MGAT4C: variants seen among roughly 807,000 people sequenced by gnomAD.
MGAT4C encodes the protein alpha-1,3-mannosyl-glycoprotein 4-beta-N-acetylglucosaminyltransferase C.
In MGAT4C, 19 loss-of-function variants were observed where a neutral mutation model predicts 40.1. That is an observed-to-expected ratio of 0.47 (90% CI 0.33 to 0.70). The LOEUF is 0.70. Ranked by LOEUF, MGAT4C falls within the 30% of genes least tolerant of loss-of-function variation. The pLI is 0.02. For synonymous variants in MGAT4C, 181 were observed against 187.1 expected, an observed-to-expected ratio of 0.97 and a Z score of 0.27; for missense variants, 491 against 563.2, an observed-to-expected ratio of 0.87 and a Z score of 1.30.
At chr12:86,454,281 G>A (rs1957474099) in intron 2 of MGAT4C, among the ~76,000 whole-genome samples, 2 of 152,010 alleles carry the variant, frequency 1.3e-5, no homozygotes, top group Admixed American at 6.6e-5. Flanking sequence ...AGGCTGGAAT[G>A]CAGTGGCATG....
intron 1 of MGAT4C, among the ~76,000 whole-genome samples, chr12:86,127,923 G>A (rs993080794): frequency 6.6e-6 from 1 of 152,112 alleles, no homozygotes; most frequent in Admixed American, 6.5e-5. Context: ...CTGTTTCACA[G>A]TTAGCTTTTT....
At position 86,372,967 on chromosome 12, in the gene MGAT4C, AAATT is replaced by A. The variant is rs201413898; in HGVS notation, c.-119-38844_-119-38841del. ...GTAATTGAATTGAATATAATAAATA[AAATT>A]AATTATAAATAATTACATATATGAA... On this transcript the variant is annotated intron_variant, in intron 3 of 7. Transcript: ENST00000548651. 5.5e-3 allele frequency among the ~76,000 whole-genome samples: 837 copies of A among 150,980 alleles called. 5 individuals carry two copies. Among genetic ancestry groups the A allele is most frequent in the African/African-American group, 0.019 (806 of 41,438 alleles).
At chr12:86,490,477 T>A (rs1227172887) in intron 2 of MGAT4C, among the ~76,000 whole-genome samples, 5 of 151,530 alleles carry the variant, frequency 3.3e-5, no homozygotes, top group Non-Finnish European at 5.9e-5. Context: ...TCATGCCAAA[T>A]TGTAAAGACC....
At chr12:86,657,640 GGAAT>G (rs1963882882) in intron 2 of MGAT4C, among the ~76,000 whole-genome samples, 2 of 151,816 alleles carry the variant, frequency 1.3e-5, no homozygotes, top group South Asian at 4.1e-4. Flanking sequence ...AAAGAAACTT[GGAAT>G]GAAAACAATT....
chr12:86,700,035 A>AATAGGTAGATAGATAG (rs1950327967), intron 2 of MGAT4C, among the ~76,000 whole-genome samples: 1 of 147,624 alleles, frequency 6.8e-6, no homozygotes, highest in African/African-American at 2.5e-5. Flanking sequence ...AATTTAGATA[A>AATAGGTAGATAGATAG]ATAGATAGAT....
chr12:86,701,312 T>C, intron 2 of MGAT4C, among the ~76,000 whole-genome samples: 1 of 152,088 alleles, frequency 6.6e-6, no homozygotes, highest in Non-Finnish European at 1.5e-5. Context: ...CAACAGCATG[T>C]GCTCACTTTA....
In MGAT4C at chr12:86,363,420, A is replaced by G. The variant is rs571228647; in HGVS notation, c.-119-29293T>C. 2.8e-4 allele frequency among the ~76,000 whole-genome samples: 42 copies of G among 152,296 alleles called. No individual in the cohort carries two copies. In the South Asian group the frequency reaches 8.5e-3, roughly 31 times the overall value. On this transcript the variant is annotated intron_variant, in intron 3 of 7. Transcript: ENST00000548651. ...TTAGCATCTATTTTAAACTTGATTAATATAAAAATGCAACATAAAATGTGT... is the reference window on the plus strand; with the variant it reads ...TTAGCATCTATTTTAAACTTGATTAGTATAAAAATGCAACATAAAATGTGT...
At chr12:86,820,267 T>C (rs1952682513) in intron 1 of MGAT4C, among the ~76,000 whole-genome samples, 1 of 150,892 alleles carries the variant, frequency 6.6e-6, no homozygotes, top group South Asian at 2.1e-4. Flanking sequence ...TCAAAGGTTA[T>C]TTCTTACTTG....
intron 2 of MGAT4C, among the ~76,000 whole-genome samples, chr12:86,625,770 A>G (rs1962785199): frequency 6.6e-6 from 1 of 152,178 alleles, no homozygotes; most frequent in Admixed American, 6.5e-5. Context: ...TCTACTGAGA[A>G]ATAGGAAAAG....
chr12:86,055,501 G>A (rs1893296285), intron 1 of MGAT4C, among the ~76,000 whole-genome samples: 1 of 151,986 alleles, frequency 6.6e-6, no homozygotes, highest in Admixed American at 6.6e-5. Context: ...AATCATATAA[G>A]TGATGTTGAG....
intron 2 of MGAT4C, among the ~76,000 whole-genome samples, chr12:86,040,699 A>G (rs984834316): frequency 1.3e-5 from 2 of 151,446 alleles, no homozygotes; most frequent in Non-Finnish European, 2.9e-5. Context: ...CATTCTGGGC[A>G]CCACTGGGGT....
chr12:86,015,153 A>C (rs1296873251), intron 2 of MGAT4C, among the ~76,000 whole-genome samples: 2 of 151,548 alleles, frequency 1.3e-5, no homozygotes, highest in African/African-American at 4.9e-5. Flanking sequence ...TGAAATAAAC[A>C]AAGTTTGTTC....
chr12:86,567,741 C>T (rs916227993), intron 2 of MGAT4C, among the ~76,000 whole-genome samples: 3 of 152,172 alleles, frequency 2.0e-5, no homozygotes, highest in East Asian at 1.9e-4. Context: ...GCTACAACCA[C>T]GTGACCAGTT....
At chr12:86,187,675 A>G (rs1287410920) in intron 1 of MGAT4C, among the ~76,000 whole-genome samples, 1 of 151,986 alleles carries the variant, frequency 6.6e-6, no homozygotes, top group Non-Finnish European at 1.5e-5. Flanking sequence ...GCAAATAAGC[A>G]GAAAAAAAAT....
At chr12:86,814,567 T>C (rs1566009708) in intron 1 of MGAT4C, among the ~76,000 whole-genome samples, 1 of 151,902 alleles carries the variant, frequency 6.6e-6, no homozygotes, top group Non-Finnish European at 1.5e-5. Context: ...TCTCTTATAA[T>C]TATATTAATT....
chr12:86,013,773 A>G (rs1888767733), intron 2 of MGAT4C: 2 of 984,268 alleles, frequency 2.0e-6, no homozygotes, highest in African/African-American at 3.5e-5. Context: ...GTGAAAAAAA[A>G]AAAAAAGACT....
chr12:86,005,641 A>T lies in MGAT4C; in HGVS notation c.-6-16089T>A, dbSNP rs146767259. ...CCTCAAGAAGACAGGAATTCATTCA[A>T]ATCTGTAAGTACCAGAAGTGAAGTC... On this transcript the variant is annotated intron_variant, in intron 2 of 4. Coordinates refer to ENST00000611864, the MANE Select transcript of MGAT4C (RefSeq NM_001351288.2). Among the ~76,000 whole-genome samples the T allele has an allele frequency of 7.3e-3, 1,118 of 152,298 alleles. 9 individuals carry two copies. The highest frequency in any genetic ancestry group is 0.011 in the Non-Finnish European group (756 of 68,018).
chr12:86,174,522 G>A (rs939477507), intron 1 of MGAT4C, among the ~76,000 whole-genome samples: 3 of 152,098 alleles, frequency 2.0e-5, no homozygotes, highest in African/African-American at 7.2e-5. Context: ...ACTAATACAT[G>A]TGTTATCATT....
At chr12:86,531,133 A>G (rs2136372772) in intron 2 of MGAT4C, among the ~76,000 whole-genome samples, 1 of 152,242 alleles carries the variant, frequency 6.6e-6, no homozygotes, top group East Asian at 1.9e-4. Flanking sequence ...TCTTTGTACC[A>G]TAACAAATAG....
Sources: gnomAD v4.1 joint callset for allele counts (sites outside exome capture counted in the v4.1 genomes callset) on GRCh38, gnomAD v4.1.1 for gene constraint, MANE v1.5 for transcripts, NCBI Gene and HGNC (gene_info 2026-07-23, HGNC 2026-07-21) for gene names.